Variants in CCDC88C observed in about 807,000 individuals in gnomAD.
CCDC88C encodes protein Daple.
CCDC88C carries 131 observed loss-of-function variants against 198.8 expected under a neutral mutation model. The ratio of observed to expected loss-of-function variants is 0.66; its 90% CI spans 0.57 to 0.76. The LOEUF (loss-of-function observed/expected upper bound fraction) is 0.76, where lower values mean the gene tolerates loss of function less well. Among genes scored for constraint, CCDC88C ranks in the 30% least tolerant of loss-of-function variants. The probability of loss-of-function intolerance (pLI) is 0.00; values close to 1 mark genes in which losing one functional copy is unlikely to be tolerated. For synonymous variants in CCDC88C, 1,166 were observed against 1,114.7 expected (o/e 1.05, Z -0.92); for missense variants, 2,553 against 2,631.6 (o/e 0.97, Z 0.65).
chr14:91,309,824 C>G lies in CCDC88C; in HGVS notation c.2864+35G>C, dbSNP rs778168075. On this transcript the variant is annotated intron_variant, in intron 16 of 29. Coordinates refer to ENST00000389857, the MANE Select transcript of CCDC88C (RefSeq NM_001080414.4). ...TGCAGACTGAACAGTGGAGGAAGTG[C>G]TCCCACGATGGGGAGAGGGAGAAGA... 2.5e-6 allele frequency: 4 copies of G among 1,589,026 alleles called. No individual in the cohort carries two copies. The Admixed American group carries it at 6.7e-5, about 27-fold the overall frequency.
chr14:91,417,521 C>T, intron 1 of CCDC88C, 110 bp downstream of exon 1: 3 of 936,084 alleles, frequency 3.2e-6, no homozygotes, highest in Non-Finnish European at 4.7e-6. Flanking sequence ...GCGTCCCTCG[C>T]GCCCCGGAGC....
intron 12 of CCDC88C, 74 bp from the exon 13 acceptor site, chr14:91,321,378 TG>T (rs1892349445): frequency 6.8e-7 from 1 of 1,464,208 alleles, no homozygotes; most frequent in Admixed American, 2.0e-5. Flanking sequence ...AGCTCCGAGA[TG>T]GTCATCAGTC....
rs1428837307 is a variant in CCDC88C at position 91,339,349 on chromosome 14, G to A, written c.738C>T (p.Ser246=). 7 of 1,613,688 alleles carry A rather than the reference G, an allele frequency of 4.3e-6. No homozygotes were observed. The highest frequency in any genetic ancestry group is 4.0e-5 in the African/African-American group (3 of 74,922). The stretch of plus-strand genomic sequence containing the variant: ...CTACGGCCAGGTGCTGCTTGTCTTC[G>A]CTAGAGAGGCTGCTGGTGGGGCTGG... ...STPSPTSSLS[S]EDKQHLAVEL... is the part of the protein sequence containing the mutation. Residue 246 remains serine (S), a synonymous_variant, in exon 8 of 30, where the codon AGC becomes AGT. Transcript: ENST00000389857. The surrounding 1 kb of genome is among the most constrained non-coding windows in gnomAD (Gnocchi z 5.8).
rs560676322 is a variant in CCDC88C at position 91,408,257 on chromosome 14, T to C, written c.270+402A>G. 11 of 191,940 alleles carry C rather than the reference T, an allele frequency of 5.7e-5. No homozygotes were observed. In the Admixed American group the frequency reaches 6.1e-4, roughly 11 times the overall value. The allele number at this position is 191,940 out of a possible 1,614,324, so 11.9% of individuals were successfully genotyped here. ...TTCATAACCCTCCAGTGGTTCCTCC[T>C]CTCCCTCAACCCTTGAATGGCTCCT... On this transcript the variant is annotated intron_variant, in intron 3 of 29. Coordinates refer to ENST00000389857, the MANE Select transcript of CCDC88C (RefSeq NM_001080414.4).
At chr14:91,327,990 G>C (rs1171707878) in intron 10 of CCDC88C, among the ~76,000 whole-genome samples, 3 of 152,192 alleles carry the variant, frequency 2.0e-5, no homozygotes, top group Admixed American at 2.0e-4. Flanking sequence ...TCTGCTCTGA[G>C]GCCACAGCAG....
intron 26 of CCDC88C, among the ~76,000 whole-genome samples, chr14:91,282,111 A>G (rs1206055147): frequency 6.6e-6 from 1 of 152,164 alleles, no homozygotes; most frequent in Non-Finnish European, 1.5e-5. Context: ...TCTACCTGAG[A>G]GCAGACCCTG....
intron 27 of CCDC88C, 143 bp downstream of exon 27, chr14:91,281,301 TCAGCCCCCTGGGG>T: frequency 6.6e-7 from 1 of 1,524,052 alleles, no homozygotes; most frequent in Non-Finnish European, 8.9e-7. Context: ...AGCTACACGC[TCAGCCCCCTGGGG>T]AGGGGAAGGA....
chr14:91,374,177 C>T (rs1163570393), intron 3 of CCDC88C, among the ~76,000 whole-genome samples: 1 of 152,212 alleles, frequency 6.6e-6, no homozygotes, highest in Non-Finnish European at 1.5e-5. Flanking sequence ...CAACTAAACG[C>T]ACCCTCCCCC....
chr14:91,340,057 C>T (rs375516520), intron 6 of CCDC88C, 33 bp from the exon 7 acceptor site: 11 of 1,603,088 alleles, frequency 6.9e-6, no homozygotes, highest in Admixed American at 3.4e-5. Flanking sequence ...ACTGCAGGGG[C>T]GGCAGAGACG....
intron 3 of CCDC88C, among the ~76,000 whole-genome samples, chr14:91,386,165 C>T (rs1186890810): frequency 1.3e-5 from 2 of 151,814 alleles, no homozygotes; most frequent in Non-Finnish European, 2.9e-5. Flanking sequence ...TAGAGCAGGC[C>T]GGGCGCGGTG....
chr14:91,273,890 C>T lies in CCDC88C; in HGVS notation c.5059-237G>A, dbSNP rs940902796. ...AGAACCCCAGATTCCCCCCAGGCAA[C>T]CCCCTAACTTTACAGATAAGGAAAC... On this transcript the variant is annotated intron_variant, in intron 29 of 29. Transcript: ENST00000389857. The surrounding 1 kb of genome is among the most constrained non-coding windows in gnomAD (Gnocchi z 5.6). Among the ~76,000 whole-genome samples the T allele has an allele frequency of 1.1e-4, 16 of 152,116 alleles. No individual in the cohort carries two copies. The highest frequency in any genetic ancestry group is 3.9e-4 in the African/African-American group (16 of 41,416).
At chr14:91,278,335 C>T (rs1339358964) in intron 28 of CCDC88C, 124 bp from the exon 29 acceptor site, 1 of 945,800 alleles carries the variant, frequency 1.1e-6, no homozygotes, top group Non-Finnish European at 1.5e-6. Context: ...TGCCCGAAAA[C>T]CCAGGGCTTA....
chr14:91,285,201 CA>C (rs1890349461), intron 25 of CCDC88C, among the ~76,000 whole-genome samples: 1 of 152,142 alleles, frequency 6.6e-6, no homozygotes, highest in Non-Finnish European at 1.5e-5. Flanking sequence ...AGTGCTCTGA[CA>C]AAGGAAGAGG....
chr14:91,273,692 G>A lies in CCDC88C; in HGVS notation c.5059-39C>T. 1.4e-6 allele frequency: 2 copies of A among 1,416,296 alleles called. No homozygotes were observed. Among genetic ancestry groups the A allele is most frequent in the Non-Finnish European group, 9.3e-7 (1 of 1,079,632 alleles). 87.7% of individuals were successfully genotyped at this position (1,416,296 alleles called of 1,614,324 possible). A position where few individuals can be genotyped will look rare whatever the true frequency, so the allele number is the denominator to read the frequency against. ...AGTGAAGGTTGGAGGTGGGCATGAG[G>A]GTTGGGTGGGTCCTTGGAGCCGCCT... On this transcript the variant is annotated intron_variant, in intron 29 of 29. Coordinates refer to ENST00000389857, the MANE Select transcript of CCDC88C (RefSeq NM_001080414.4). This position sits in a 1 kb window ranked among gnomAD's most constrained non-coding sequence, Gnocchi z 5.6.
intron 3 of CCDC88C, among the ~76,000 whole-genome samples, chr14:91,393,406 C>T (rs911110484): frequency 1.3e-5 from 2 of 152,160 alleles, no homozygotes; most frequent in Admixed American, 6.5e-5. Flanking sequence ...TTCTACCTCC[C>T]GAAGGAAGAA....
At chr14:91,345,636 A>G (rs1304124167) in intron 4 of CCDC88C, among the ~76,000 whole-genome samples, 1 of 151,994 alleles carries the variant, frequency 6.6e-6, no homozygotes, top group Non-Finnish European at 1.5e-5. Flanking sequence ...GGTGATTCCC[A>G]TTTTCCTACC....
chr14:91,397,977 C>A (rs1381484406), intron 3 of CCDC88C, among the ~76,000 whole-genome samples: 1 of 152,234 alleles, frequency 6.6e-6, no homozygotes, highest in Non-Finnish European at 1.5e-5. Context: ...CCTGATCTTG[C>A]TCCATGAGCC....
In CCDC88C at chr14:91,339,168, G is replaced by C; in HGVS notation, c.809+110C>G. ...TCAGGGCAGACCCCAGCTGACTCCG[G>C]GGCACACGTCAGAGCTGTGCCATTG... On this transcript the variant is annotated intron_variant, in intron 8 of 29. Transcript: ENST00000389857. This position sits in a 1 kb window ranked among gnomAD's most constrained non-coding sequence, Gnocchi z 5.8. 1 of 1,329,744 alleles carries C rather than the reference G, an allele frequency of 7.5e-7. No individual in the cohort carries two copies. Among genetic ancestry groups the C allele is most frequent in the South Asian group, 1.3e-5 (1 of 79,248 alleles). 82.4% of individuals were successfully genotyped at this position (1,329,744 alleles called of 1,614,324 possible). A position where few individuals can be genotyped will look rare whatever the true frequency, so the allele number is the denominator to read the frequency against.
At chr14:91,336,843 C>T (rs1893068937) in intron 10 of CCDC88C, among the ~76,000 whole-genome samples, 1 of 152,248 alleles carries the variant, frequency 6.6e-6, no homozygotes, top group African/African-American at 2.4e-5. Flanking sequence ...GGCTGCAGCA[C>T]AGAACACGTA....
Sources: allele counts gnomAD v4.1 joint callset (sites outside exome capture counted in the v4.1 genomes callset), GRCh38; gene constraint gnomAD v4.1.1; non-coding constraint Gnocchi (gnomAD v3.1); transcripts MANE v1.5; gene names NCBI Gene and HGNC (gene_info 2026-07-23, HGNC 2026-07-21).